Variants in LRP1B observed in about 807,000 individuals in gnomAD.
LRP1B encodes LDL receptor related protein 1B.
In LRP1B, 217 loss-of-function variants were observed where a neutral mutation model predicts 556.6. The observed-to-expected ratio is 0.39, with a 90% confidence interval of 0.35 to 0.44. The LOEUF (loss-of-function observed/expected upper bound fraction) is 0.44, where lower values mean the gene tolerates loss of function less well. LRP1B is among the 20% of genes least tolerant of loss of function. The pLI, the probability that LRP1B is intolerant of heterozygous loss-of-function variation, is 1.00. For missense variants in LRP1B, 5,053 were observed against 5,620.8 expected (o/e 0.90, Z 3.23); for synonymous variants, 2,047 against 1,865.8 (o/e 1.10, Z -2.50).
chr2:141,674,330 C>A (rs1376897130), intron 2 of LRP1B, among the ~76,000 whole-genome samples: 1 of 152,062 alleles, frequency 6.6e-6, no homozygotes, highest in Non-Finnish European at 1.5e-5. Context: ...TGCCTGTTGA[C>A]CAATACTGAT....
intron 84 of LRP1B, among the ~76,000 whole-genome samples, chr2:140,276,695 G>A (rs543142301): frequency 1.3e-5 from 2 of 152,016 alleles, no homozygotes; most frequent in Admixed American, 6.6e-5. Flanking sequence ...TTCATCCACT[G>A]GGGCTGATTA....
intron 1 of LRP1B, among the ~76,000 whole-genome samples, chr2:142,127,901 C>T (rs150717024): frequency 2.6e-4 from 39 of 152,062 alleles, no homozygotes; most frequent in Middle Eastern, 6.8e-3. Flanking sequence ...AGTTTTAATC[C>T]TTATCAAGCA....
chr2:140,931,109 G>A (rs1246681763), intron 20 of LRP1B, among the ~76,000 whole-genome samples: 2 of 152,110 alleles, frequency 1.3e-5, no homozygotes, highest in Non-Finnish European at 2.9e-5. Context: ...TCTTTTCTAT[G>A]TAATGTGGGA....
At chr2:141,441,283 G>A (rs1318014290) in intron 3 of LRP1B, among the ~76,000 whole-genome samples, 1 of 151,902 alleles carries the variant, frequency 6.6e-6, no homozygotes, top group Non-Finnish European at 1.5e-5. Flanking sequence ...TCACCAAATT[G>A]GTCAGGCTAG....
rs143085486 is a variant in LRP1B, at chr2:141,429,639, C to T, written c.343+50757G>A. ...TATTCTTCCTGATGCTCTCCTTCCT[C>T]CCACCTCCCGCCCTCCAACAGGCCC... On this transcript the variant is annotated intron_variant, in intron 3 of 90. Coordinates refer to ENST00000389484, the MANE Select transcript of LRP1B (RefSeq NM_018557.3). Among the ~76,000 whole-genome samples the T allele has an allele frequency of 9.2e-3, 1,403 of 152,242 alleles. 64 individuals are homozygous for T. Among genetic ancestry groups the T allele is most frequent in the Admixed American group, 0.08 (1,219 of 15,276 alleles).
intron 33 of LRP1B, among the ~76,000 whole-genome samples, chr2:140,775,809 C>T (rs944258860): frequency 2.0e-5 from 3 of 151,966 alleles, no homozygotes; most frequent in Non-Finnish European, 4.4e-5. Context: ...ATATATTTTG[C>T]CAGGATATAT....
intron 18 of LRP1B, among the ~76,000 whole-genome samples, chr2:140,973,051 TTTA>T (rs1165153960): frequency 2.1e-3 from 77 of 36,134 alleles, no homozygotes; most frequent in African/African-American, 4.9e-3. Context: ...TATATTTCAT[TTTA>T]TATATATATA....
At chr2:140,285,320 CA>C (rs1683099136) in intron 84 of LRP1B, among the ~76,000 whole-genome samples, 1 of 69,862 alleles carries the variant, frequency 1.4e-5, no homozygotes, top group African/African-American at 3.7e-5. Context: ...TATACATACA[CA>C]CACATATACA....
chr2:140,851,558 C>A (rs2105120854), intron 28 of LRP1B, 94 bp downstream of exon 28: 1 of 1,418,458 alleles, frequency 7.0e-7, no homozygotes, highest in Non-Finnish European at 9.6e-7. Flanking sequence ...AAAAAAACTT[C>A]CTCTGCTTTA....
intron 7 of LRP1B, among the ~76,000 whole-genome samples, chr2:141,152,579 C>T (rs1381087593): frequency 6.6e-6 from 1 of 151,684 alleles, no homozygotes; most frequent in Non-Finnish European, 1.5e-5. Context: ...ATGTATACAC[C>T]CTGGCTCAGA....
chr2:140,525,659 G>A (rs1690399819), intron 49 of LRP1B, among the ~76,000 whole-genome samples, 185 bp downstream of exon 49: 1 of 151,916 alleles, frequency 6.6e-6, no homozygotes, highest in Admixed American at 6.6e-5. Context: ...ATATCATTTT[G>A]TAACTCACTT....
intron 1 of LRP1B, among the ~76,000 whole-genome samples, chr2:142,081,427 A>C (rs1165096471): frequency 6.6e-6 from 1 of 152,160 alleles, no homozygotes; most frequent in East Asian, 1.9e-4. Context: ...TGTGCTCTCA[A>C]AGATTTTATA....
At chr2:140,717,985 T>G (rs1174317943) in intron 35 of LRP1B, among the ~76,000 whole-genome samples, 2 of 152,090 alleles carry the variant, frequency 1.3e-5, no homozygotes, top group Admixed American at 6.6e-5. Flanking sequence ...TTTTCTCATT[T>G]GGTAAAAACA....
intron 7 of LRP1B, among the ~76,000 whole-genome samples, chr2:141,081,152 C>T (rs961249545): frequency 2.8e-4 from 43 of 152,062 alleles, no homozygotes; most frequent in African/African-American, 1.0e-3. Context: ...CTTTGAATAT[C>T]GTGTTGATGC....
chr2:141,581,995 G>A (rs922584261), intron 2 of LRP1B, among the ~76,000 whole-genome samples: 1 of 152,126 alleles, frequency 6.6e-6, no homozygotes, highest in Non-Finnish European at 1.5e-5. Context: ...ATTGTTACAA[G>A]TTTCTAATTC....
chr2:140,476,267 C>A (rs1020078246), intron 59 of LRP1B, among the ~76,000 whole-genome samples: 1 of 151,844 alleles, frequency 6.6e-6, no homozygotes, highest in African/African-American at 2.4e-5. Flanking sequence ...AAGTTATTTT[C>A]ACATTCCAAC....
At chr2:141,701,292 G>C (rs1277545589) in intron 2 of LRP1B, among the ~76,000 whole-genome samples, 1 of 151,762 alleles carries the variant, frequency 6.6e-6, no homozygotes, top group Admixed American at 6.6e-5. Flanking sequence ...GCTGCTCACT[G>C]ATCCCTGAAC....
chr2:140,553,294 C>T (rs1208679606), intron 43 of LRP1B, among the ~76,000 whole-genome samples: 1 of 151,872 alleles, frequency 6.6e-6, no homozygotes, highest in Non-Finnish European at 1.5e-5. Flanking sequence ...TTATATTTAA[C>T]TTACCTGAGG....
At chr2:141,217,370 T>C (rs1298836984) in intron 6 of LRP1B, among the ~76,000 whole-genome samples, 1 of 152,180 alleles carries the variant, frequency 6.6e-6, no homozygotes, top group Non-Finnish European at 1.5e-5. Flanking sequence ...ATGAAGTAAA[T>C]ATGTAGATTG....
Sources: allele counts gnomAD v4.1 joint callset (sites outside exome capture counted in the v4.1 genomes callset), GRCh38; gene constraint gnomAD v4.1.1; transcripts MANE v1.5; gene names NCBI Gene and HGNC (gene_info 2026-07-23, HGNC 2026-07-21).